Variants in SMARCA2 observed in about 807,000 individuals in gnomAD.
SMARCA2 encodes SWI/SNF-related matrix-associated actin-dependent regulator of chromatin subfamily A member 2.
SMARCA2 carries 61 observed loss-of-function variants against 199.8 expected under a neutral mutation model. The ratio of observed to expected loss-of-function variants is 0.31; its 90% CI spans 0.25 to 0.38. The LOEUF (loss-of-function observed/expected upper bound fraction) is 0.38. SMARCA2 is among the 10% of genes least tolerant of loss of function. The pLI, the probability that SMARCA2 is intolerant of heterozygous loss-of-function variation, is 1.00. For synonymous variants in SMARCA2, 935 were observed against 732.0 expected (o/e 1.28, Z -4.48); for missense variants, 1,344 against 2,012.2 (o/e 0.67, Z 6.35).
rs1240265261 is a variant in SMARCA2, at chr9:2,192,811, AT to A, written c.*75del. On this transcript the variant is annotated 3_prime_UTR_variant, in exon 34 of 34. Transcript: ENST00000349721. ...TGTCTCATTTCTACCCAGTGAGTTCATTTGTCATATAGGCACTGGGTTGTTT... is the reference window on the plus strand; with the variant it reads ...TGTCTCATTTCTACCCAGTGAGTTCATTGTCATATAGGCACTGGGTTGTTT... 9.1e-7 allele frequency: 1 copy of A among 1,101,276 alleles called. No individual in the cohort carries two copies. The highest frequency in any genetic ancestry group is 1.4e-6 in the Non-Finnish European group (1 of 715,078). The allele number at this position is 1,101,276 out of a possible 1,614,324, so 68.2% of individuals were successfully genotyped here.
intron 19 of SMARCA2, among the ~76,000 whole-genome samples, chr9:2,089,091 C>G (rs1296058429): frequency 2.6e-5 from 4 of 152,016 alleles, no homozygotes; most frequent in Non-Finnish European, 5.9e-5. Context: ...AAACAGAGTT[C>G]CTGCAAATTA....
At chr9:2,140,831 T>G (rs1211555270) in intron 27 of SMARCA2, among the ~76,000 whole-genome samples, 1 of 152,136 alleles carries the variant, frequency 6.6e-6, no homozygotes, top group Non-Finnish European at 1.5e-5. Context: ...ACCGAGCCCC[T>G]GCCCGTTAGT....
intron 31 of SMARCA2, among the ~76,000 whole-genome samples, chr9:2,183,601 C>A (rs1245794192): frequency 1.3e-5 from 2 of 152,188 alleles, no homozygotes; most frequent in African/African-American, 4.8e-5. Context: ...CTGATCATAC[C>A]CTTCTGCCTG....
chr9:2,051,375 A>G (rs1033453167), intron 5 of SMARCA2, among the ~76,000 whole-genome samples: 1 of 152,132 alleles, frequency 6.6e-6, no homozygotes, highest in Non-Finnish European at 1.5e-5. Flanking sequence ...GAGTCATTTC[A>G]GGGAGAGGTG....
At chr9:2,142,821 G>A (rs894339689) in intron 27 of SMARCA2, among the ~76,000 whole-genome samples, 2 of 152,110 alleles carry the variant, frequency 1.3e-5, no homozygotes, top group African/African-American at 4.8e-5. Context: ...CAAGCCAGTT[G>A]TTAGAACGCG....
intron 27 of SMARCA2, among the ~76,000 whole-genome samples, chr9:2,152,153 G>A (rs1190517909): frequency 6.6e-6 from 1 of 152,186 alleles, no homozygotes; most frequent in Non-Finnish European, 1.5e-5. Flanking sequence ...GGATGCTTCC[G>A]TGAAATTTCA....
chr9:2,172,623 C>A (rs1826317162), intron 29 of SMARCA2, among the ~76,000 whole-genome samples: 1 of 152,076 alleles, frequency 6.6e-6, no homozygotes, highest in East Asian at 1.9e-4. Context: ...GCCTTGAACA[C>A]CAAGCTGAGG....
chr9:2,055,017 C>T (rs1820290399), intron 6 of SMARCA2, among the ~76,000 whole-genome samples: 1 of 152,126 alleles, frequency 6.6e-6, no homozygotes, highest in African/African-American at 2.4e-5. Flanking sequence ...ACCTTGGGAA[C>T]AAGTGGGGTA....
chr9:2,058,479 G>T lies in SMARCA2; in HGVS notation c.1521+15G>T, dbSNP rs757850985. The T allele has an allele frequency of 3.7e-6, 6 of 1,611,490 alleles. No individual in the cohort carries two copies. The South Asian group carries it at 6.6e-5, about 18-fold the overall frequency. On this transcript the variant is annotated intron_variant, in intron 8 of 33. Coordinates refer to ENST00000349721, the MANE Select transcript of SMARCA2 (RefSeq NM_003070.5). ...GGCGACTGATGGTAAGGAACTCCCT[G>T]CAGGAGCCCAGGAAACTACTCAACC...
chr9:2,141,725 C>T (rs766178234), intron 27 of SMARCA2, among the ~76,000 whole-genome samples: 2 of 151,300 alleles, frequency 1.3e-5, no homozygotes, highest in Non-Finnish European at 2.9e-5. Context: ...ATCATCCAAG[C>T]CATCTATGCA....
intron 32 of SMARCA2, among the ~76,000 whole-genome samples, chr9:2,187,134 G>T (rs1211776218): frequency 6.6e-6 from 1 of 152,072 alleles, no homozygotes; most frequent in Non-Finnish European, 1.5e-5. Context: ...TTTTGCCAGG[G>T]GAAGAGGGGT....
At chr9:2,158,935 C>T (rs959117376) in intron 27 of SMARCA2, 1 of 1,611,240 alleles carries the variant, frequency 6.2e-7, no homozygotes, top group South Asian at 1.1e-5. Context: ...TGTTTTGTAG[C>T]TCTCTGCATT....
At chr9:2,088,899 T>C (rs937357640) in intron 19 of SMARCA2, among the ~76,000 whole-genome samples, 1 of 151,842 alleles carries the variant, frequency 6.6e-6, no homozygotes, top group Non-Finnish European at 1.5e-5. Context: ...TTTTTTAAAT[T>C]ACGGACCTCA....
At chr9:2,087,376 C>T (rs1821847318) in intron 18 of SMARCA2, 1 of 308,524 alleles carries the variant, frequency 3.2e-6, no homozygotes, top group Non-Finnish European at 6.1e-6. Flanking sequence ...GGAGGATGAA[C>T]ATGGAGATAT....
chr9:2,024,683 C>T (rs1818750408), intron 1 of SMARCA2, among the ~76,000 whole-genome samples: 1 of 152,130 alleles, frequency 6.6e-6, no homozygotes, highest in Admixed American at 6.5e-5. Context: ...CTGCACATTG[C>T]TCTGGCCTGG....
At chr9:2,157,276 C>A (rs1260185488) in intron 27 of SMARCA2, among the ~76,000 whole-genome samples, 1 of 152,154 alleles carries the variant, frequency 6.6e-6, no homozygotes, top group Admixed American at 6.5e-5. Context: ...AGGATCTCAG[C>A]AGGGCACGAG....
chr9:2,068,581 G>A (rs930618113), intron 9 of SMARCA2, among the ~76,000 whole-genome samples: 8 of 152,148 alleles, frequency 5.3e-5, no homozygotes, highest in Middle Eastern at 3.2e-3. Context: ...AAGGCAAAAC[G>A]TATTATATAA....
intron 27 of SMARCA2, among the ~76,000 whole-genome samples, chr9:2,155,035 C>G (rs897177758): frequency 5.9e-5 from 9 of 152,146 alleles, no homozygotes; most frequent in African/African-American, 2.2e-4. Flanking sequence ...GATCATCTCT[C>G]AGGTTTTTTG....
intron 4 of SMARCA2, chr9:2,040,583 C>G (rs548716103): frequency 2.0e-5 from 3 of 152,432 alleles, no homozygotes; most frequent in African/African-American, 7.2e-5. Flanking sequence ...TCAGAAAAAG[C>G]CATTTCTAGC....
Sources: gnomAD v4.1 joint callset for allele counts (sites outside exome capture counted in the v4.1 genomes callset) on GRCh38, gnomAD v4.1.1 for gene constraint, MANE v1.5 for transcripts, NCBI Gene and HGNC (gene_info 2026-07-23, HGNC 2026-07-21) for gene names.